ADAM12: variants seen among roughly 807,000 people sequenced by gnomAD.
The protein encoded by ADAM12 is ADAM metallopeptidase domain 12, also known as disintegrin and metalloproteinase domain-containing protein 12.
Under a neutral mutation model 106.4 loss-of-function variants are expected in ADAM12, and 70 were observed. That is an observed-to-expected ratio of 0.66 (90% confidence interval 0.54 to 0.80). The LOEUF (loss-of-function observed/expected upper bound fraction) is 0.80, where lower values mean the gene tolerates loss of function less well. Among genes scored for constraint, ADAM12 ranks in the 30% least tolerant of loss-of-function variants. The pLI, the probability that ADAM12 is intolerant of heterozygous loss-of-function variation, is 0.00. For missense variants in ADAM12, 1,010 were observed against 1,171.9 expected, an observed-to-expected ratio of 0.86 and a Z score of 2.02; for synonymous variants, 420 against 433.5, an observed-to-expected ratio of 0.97 and a Z score of 0.39.
At chr10:126,279,562 T>C (rs1959455709) in intron 2 of ADAM12, among the ~76,000 whole-genome samples, 1 of 151,682 alleles carries the variant, frequency 6.6e-6, no homozygotes, top group Admixed American at 6.6e-5. Flanking sequence ...CCCATCTCTA[T>C]TAAAAATACA....
intron 18 of ADAM12, among the ~76,000 whole-genome samples, chr10:126,042,589 G>A (rs757941132): frequency 2.1e-4 from 32 of 152,324 alleles, no homozygotes; most frequent in Middle Eastern, 6.8e-3. Context: ...TGCAAAAGCT[G>A]TTGCAATGAC....
Position 126,039,325 on chromosome 10 carries a change from T to TAAAC in ADAM12, c.2205_2208dup (p.Thr737ValfsTer4). 6.2e-7 allele frequency: 1 copy of TAAAC among 1,614,056 alleles called. No individual in the cohort carries two copies. The highest frequency in any genetic ancestry group is 8.5e-7 in the Non-Finnish European group (1 of 1,179,976). Reference sequence around the variant, plus strand: ...TTTTCAATGGTGGTCTTCTTATTTGTAAACAGCAGTCGTATCAAGGTCTTC... The same window carrying TAAAC: ...TTTTCAATGGTGGTCTTCTTATTTGTAAACAAACAGCAGTCGTATCAAGGTCTTC... On this transcript the variant is annotated frameshift_variant, in exon 19 of 23. Transcript: ENST00000448723. LOFTEE classifies it high-confidence loss of function.
At chr10:126,093,471 G>A (rs1395616676) in intron 11 of ADAM12, among the ~76,000 whole-genome samples, 1 of 152,164 alleles carries the variant, frequency 6.6e-6, no homozygotes, top group African/African-American at 2.4e-5. Flanking sequence ...TGTCAGGGCA[G>A]AGACACTACA....
rs1443103834 is a variant in ADAM12, at chr10:126,073,553, T to C, written c.1146-1899A>G. 3.9e-5 allele frequency among the ~76,000 whole-genome samples: 6 copies of C among 152,126 alleles called. No homozygotes were observed. The East Asian group carries it at 1.2e-3, about 29-fold the overall frequency. On this transcript the variant is annotated intron_variant, in intron 11 of 22. Coordinates refer to ENST00000448723, the MANE Select transcript of ADAM12 (RefSeq NM_001288973.2). The stretch of plus-strand genomic sequence containing the variant: ...GTCTTTTGATCCTCTCCTTTCCCAG[T>C]GTCTGTTGTTCCCTTCTTTGCATCC...
intron 11 of ADAM12, among the ~76,000 whole-genome samples, chr10:126,080,630 C>T (rs946791448): frequency 2.6e-5 from 4 of 152,138 alleles, no homozygotes; most frequent in Non-Finnish European, 5.9e-5. Context: ...TTTTGTTAGC[C>T]TTGCTTTCCT....
At chr10:126,357,038 T>C (rs529404483) in intron 1 of ADAM12, among the ~76,000 whole-genome samples, 20 of 152,242 alleles carry the variant, frequency 1.3e-4, no homozygotes, top group Admixed American at 7.8e-4. Context: ...GGCCACATAA[T>C]ACATTTAAAG....
At position 126,143,034 on chromosome 10, in the gene ADAM12, A is replaced by C. The variant is rs1956544824; in HGVS notation, c.340-7374T>G. On this transcript the variant is annotated intron_variant, in intron 4 of 22. Transcript: ENST00000448723. Reference sequence around the variant, plus strand: ...CATGTGTATATATGCATTTGTATATATATGTATGTGTGTATATGGTGTGCA... The same window carrying C: ...CATGTGTATATATGCATTTGTATATCTATGTATGTGTGTATATGGTGTGCA... Among the ~76,000 whole-genome samples, 3 of 134,896 alleles carry C rather than the reference A, an allele frequency of 2.2e-5. No homozygotes were observed. In the South Asian group the frequency reaches 6.7e-4, roughly 30 times the overall value. 88.5% of individuals were successfully genotyped at this position (134,896 alleles called of 152,430 possible).
At chr10:126,155,759 A>G (rs1674915) in intron 3 of ADAM12, among the ~76,000 whole-genome samples, 66,317 of 151,876 alleles carry the variant, frequency 0.44, 15,014 homozygotes, top group East Asian at 0.77. Context: ...ATTCTGATCC[A>G]CAGCAGTGCC....
intron 2 of ADAM12, among the ~76,000 whole-genome samples, chr10:126,305,272 C>T (rs1483452263): frequency 6.6e-6 from 1 of 152,054 alleles, no homozygotes; most frequent in Non-Finnish European, 1.5e-5. Flanking sequence ...CAATGAGTTA[C>T]TACTCAAGCA....
At chr10:126,028,206 C>A (rs1052046391) in intron 21 of ADAM12, among the ~76,000 whole-genome samples, 1 of 152,154 alleles carries the variant, frequency 6.6e-6, no homozygotes, top group East Asian at 1.9e-4. Context: ...AAAAGCATTC[C>A]ATGCTTATGG....
intron 11 of ADAM12, among the ~76,000 whole-genome samples, chr10:126,088,011 G>C (rs1227799488): frequency 2.6e-5 from 4 of 152,164 alleles, no homozygotes; most frequent in Non-Finnish European, 5.9e-5. Flanking sequence ...TCTGCCTGCT[G>C]CCTCTTCTAA....
Position 126,159,684 on chromosome 10 carries a change from G to T in ADAM12, c.261-4379C>A, listed in dbSNP as rs1209241441. Reference sequence around the variant, plus strand: ...AGAAAAGTCCATCAGGAAAGCTGGGGATTAGAGAAAACGAGCTTTTGATAG... The same window carrying T: ...AGAAAAGTCCATCAGGAAAGCTGGGTATTAGAGAAAACGAGCTTTTGATAG... On this transcript the variant is annotated intron_variant, in intron 3 of 22. Coordinates refer to ENST00000448723, the MANE Select transcript of ADAM12 (RefSeq NM_001288973.2). Among the ~76,000 whole-genome samples, 3 of 152,302 alleles carry T rather than the reference G, an allele frequency of 2.0e-5. No homozygotes were observed. The South Asian group carries it at 6.2e-4, about 32-fold the overall frequency.
At chr10:126,083,630 A>T (rs1955275806) in intron 11 of ADAM12, among the ~76,000 whole-genome samples, 1 of 152,238 alleles carries the variant, frequency 6.6e-6, no homozygotes, top group Non-Finnish European at 1.5e-5. Context: ...GGATTCATCC[A>T]GCTAGCCTGA....
At chr10:126,316,585 G>A (rs370228189) in intron 2 of ADAM12, among the ~76,000 whole-genome samples, 1 of 151,968 alleles carries the variant, frequency 6.6e-6, no homozygotes, top group African/African-American at 2.4e-5. Flanking sequence ...GGTTGGGCAC[G>A]GTGGTTCATG....
chr10:126,298,037 A>ATCAG (rs1292528893), intron 2 of ADAM12, among the ~76,000 whole-genome samples: 3 of 152,174 alleles, frequency 2.0e-5, no homozygotes, highest in Non-Finnish European at 4.4e-5. Flanking sequence ...TGAGAAGTAG[A>ATCAG]TCAGTCTTCA....
intron 2 of ADAM12, among the ~76,000 whole-genome samples, chr10:126,300,119 C>T (rs1960557810): frequency 6.6e-6 from 1 of 152,216 alleles, no homozygotes; most frequent in Non-Finnish European, 1.5e-5. Context: ...ATGCAACGTT[C>T]TGCAGTTAGA....
At chr10:126,330,883 T>C (rs1417865948) in intron 1 of ADAM12, among the ~76,000 whole-genome samples, 4 of 152,204 alleles carry the variant, frequency 2.6e-5, no homozygotes, top group African/African-American at 4.8e-5. Flanking sequence ...AAAAGTCACA[T>C]GGCTTTAGCT....
chr10:126,209,084 C>T (rs1005357146), intron 3 of ADAM12, among the ~76,000 whole-genome samples: 1 of 152,126 alleles, frequency 6.6e-6, no homozygotes, highest in African/African-American at 2.4e-5. Context: ...ATCAGAATTC[C>T]AAAGGAAAGA....
Position 126,140,953 on chromosome 10 carries a change from C to T in ADAM12, c.340-5293G>A, listed in dbSNP as rs116560278. Among the ~76,000 whole-genome samples the T allele has an allele frequency of 5.0e-3, 769 of 152,296 alleles. 6 individuals carry two copies. Among genetic ancestry groups the T allele is most frequent in the African/African-American group, 0.018 (740 of 41,556 alleles). On this transcript the variant is annotated intron_variant, in intron 4 of 22. Transcript: ENST00000448723. ...GAGAGAGGAGCACAGGCTACATCAC[C>T]GCTAGTGGCCAGCAGTGGCCAGTCA...
Sources: gnomAD v4.1 joint callset for allele counts (sites outside exome capture counted in the v4.1 genomes callset) on GRCh38, gnomAD v4.1.1 for gene constraint, MANE v1.5 for transcripts, NCBI Gene and HGNC (gene_info 2026-07-23, HGNC 2026-07-21) for gene names.